The following SLC13A3 variants were observed in gnomAD, a reference collection of about 807,000 sequenced individuals.
SLC13A3 encodes Na(+)/dicarboxylate cotransporter 3.
A neutral mutation model predicts 59.0 loss-of-function variants in SLC13A3; 40 were observed. The observed-to-expected ratio is 0.68, with a 90% confidence interval of 0.53 to 0.88. The LOEUF is 0.88. SLC13A3 is among the 40% of genes least tolerant of loss of function. SLC13A3 has a pLI of 0.00. For synonymous variants in SLC13A3, 317 were observed against 330.3 expected (o/e 0.96, Z 0.44); for missense variants, 699 against 783.2 (o/e 0.89, Z 1.28).
At chr20:46,564,706 T>C (rs993546887) in intron 11 of SLC13A3, among the ~76,000 whole-genome samples, 4 of 152,190 alleles carry the variant, frequency 2.6e-5, no homozygotes, top group African/African-American at 9.7e-5. Flanking sequence ...ACGTACATGC[T>C]CTTTGACCCA....
At chr20:46,608,766 C>T (rs2062462103) in intron 3 of SLC13A3, 1 of 1,244,160 alleles carries the variant, frequency 8.0e-7, no homozygotes, top group Admixed American at 3.0e-5. Context: ...CTAGAACTAG[C>T]ACACAAAACC....
At chr20:46,597,656 C>T (rs1225132385) in intron 4 of SLC13A3, among the ~76,000 whole-genome samples, 3 of 152,116 alleles carry the variant, frequency 2.0e-5, no homozygotes, top group African/African-American at 4.8e-5. Context: ...TGGCTGGTCT[C>T]GAACTCCTCA....
chr20:46,604,827 T>C (rs999282729), intron 3 of SLC13A3, among the ~76,000 whole-genome samples: 3 of 152,170 alleles, frequency 2.0e-5, no homozygotes, highest in Admixed American at 2.0e-4. Flanking sequence ...GAGGGACTAT[T>C]AATAGCACAC....
intron 2 of SLC13A3, among the ~76,000 whole-genome samples, chr20:46,611,017 G>C (rs994408771): frequency 1.3e-5 from 2 of 151,470 alleles, no homozygotes; most frequent in African/African-American, 4.9e-5. Context: ...CTTCTCACCC[G>C]CACCCAACAC....
chr20:46,634,310 C>A (rs1055298645), intron 1 of SLC13A3, among the ~76,000 whole-genome samples: 22 of 152,148 alleles, frequency 1.4e-4, no homozygotes, highest in Admixed American at 3.9e-4. Context: ...GAGACTGAGG[C>A]ATGGAGGATT....
intron 10 of SLC13A3, among the ~76,000 whole-genome samples, chr20:46,568,452 A>G (rs1219222639): frequency 6.6e-6 from 1 of 151,724 alleles, no homozygotes; most frequent in African/African-American, 2.4e-5. Flanking sequence ...CAGTTTTTAC[A>G]TAAATAAAAT....
intron 5 of SLC13A3, among the ~76,000 whole-genome samples, chr20:46,595,374 A>G (rs422100): frequency 0.02 from 3,084 of 152,172 alleles, 99 homozygotes; most frequent in African/African-American, 0.066. Context: ...AAAAAGTTAT[A>G]AAGCAGGAAC....
chr20:46,669,841 T>A (rs1471067844), intron 1 of SLC13A3, among the ~76,000 whole-genome samples: 1 of 152,224 alleles, frequency 6.6e-6, no homozygotes, highest in African/African-American at 2.4e-5. Flanking sequence ...AACTTTACAA[T>A]GGATTTATTG....
intron 1 of SLC13A3, among the ~76,000 whole-genome samples, chr20:46,659,723 C>A (rs117565381): frequency 0.066 from 8,019 of 120,778 alleles, 278 homozygotes; most frequent in Middle Eastern, 0.12. Flanking sequence ...CCCCCCCCCC[C>A]AAAAAAAAAA....
chr20:46,597,396 G>A (rs1248211854), intron 4 of SLC13A3, among the ~76,000 whole-genome samples: 12 of 152,036 alleles, frequency 7.9e-5, no homozygotes, highest in East Asian at 3.9e-4. Context: ...ACAAAACAGC[G>A]TACATAGAAT....
chr20:46,585,640 T>C, intron 8 of SLC13A3: 1 of 1,272,536 alleles, frequency 7.9e-7, no homozygotes, highest in Admixed American at 2.9e-5. Context: ...CAGATAGGCA[T>C]TGTTTAAAAG....
intron 12 of SLC13A3, among the ~76,000 whole-genome samples, chr20:46,561,571 G>T (rs2146071745): frequency 6.6e-6 from 1 of 152,000 alleles, no homozygotes; most frequent in South Asian, 2.1e-4. Context: ...AGGTTTACTG[G>T]CCATGGCATA....
intron 1 of SLC13A3, among the ~76,000 whole-genome samples, chr20:46,677,662 T>G (rs1028497258): frequency 6.6e-6 from 1 of 152,156 alleles, no homozygotes; most frequent in Non-Finnish European, 1.5e-5. Context: ...GGAAGATACA[T>G]GCCATCTTAT....
rs764759095 is a variant in SLC13A3 at position 46,596,161 on chromosome 20, T to C, written c.790A>G (p.Lys264Glu). ...APNLILLGQL[K>E]SFFPQCDVVN... Reference sequence around the variant, plus strand: ...GGTGGGGACTCTCGCTTTCACCTCTTGAGCTGGCCAAGCAGGATGAGGTTA... The same window carrying C: ...GGTGGGGACTCTCGCTTTCACCTCTCGAGCTGGCCAAGCAGGATGAGGTTA... The change falls in exon 5 of 13, where the codon AAG (lysine) becomes GAG (glutamate). Residue 264 changes from lysine (K) to glutamate (E), a missense_variant. Transcript: ENST00000279027. 1.7e-5 allele frequency: 27 copies of C among 1,612,462 alleles called. No homozygotes were observed. The highest frequency in any genetic ancestry group is 7.6e-6 in the Non-Finnish European group (9 of 1,179,294).
upstream of SLC13A3, among the ~76,000 whole-genome samples, chr20:46,653,671 T>C (rs573005414): frequency 3.3e-5 from 5 of 152,332 alleles, no homozygotes; most frequent in South Asian, 1.0e-3. Context: ...CTCTATAAAT[T>C]TGATTAATCT....
At chr20:46,571,100 AC>A (rs781575092) in intron 10 of SLC13A3, among the ~76,000 whole-genome samples, 4 of 152,182 alleles carry the variant, frequency 2.6e-5, no homozygotes, top group Non-Finnish European at 5.9e-5. Context: ...AAAGCCCCTT[AC>A]AAAAAATCAT....
At chr20:46,589,356 C>T in intron 6 of SLC13A3, 101 bp from the exon 7 acceptor site, 2 of 938,450 alleles carry the variant, frequency 2.1e-6, no homozygotes, top group African/African-American at 1.6e-5. Flanking sequence ...TCCTCTCTGT[C>T]CGGGAGGCTG....
chr20:46,656,148 G>C (rs990431177), upstream of SLC13A3, among the ~76,000 whole-genome samples: 4 of 141,680 alleles, frequency 2.8e-5, no homozygotes, highest in African/African-American at 1.0e-4. Context: ...ATATTATACT[G>C]TATGTAATAG....
intron 1 of SLC13A3, among the ~76,000 whole-genome samples, chr20:46,666,252 C>G (rs7360773): frequency 2.4e-3 from 360 of 152,312 alleles, no homozygotes; most frequent in African/African-American, 8.2e-3. Flanking sequence ...TCTTCAACTC[C>G]TCATTATACC....
Sources: allele counts gnomAD v4.1 joint callset (sites outside exome capture counted in the v4.1 genomes callset), GRCh38; gene constraint gnomAD v4.1.1; transcripts MANE v1.5; gene names NCBI Gene and HGNC (gene_info 2026-07-23, HGNC 2026-07-21).